Variants in GAMT observed in about 807,000 individuals in gnomAD.
GAMT encodes epididymis secretory protein Li 20.
A neutral mutation model predicts 26.9 loss-of-function variants in GAMT; 26 were observed. The observed-to-expected ratio is 0.97, with a 90% CI of 0.71 to 1.34. The LOEUF is 1.34. GAMT is among the 40% of genes most tolerant of loss of function. The pLI, the probability that GAMT is intolerant of heterozygous loss-of-function variation, is 0.00. For synonymous variants in GAMT, 169 were observed against 149.6 expected, an observed-to-expected ratio of 1.13 and a Z score of -0.95; for missense variants, 412 against 345.0, an observed-to-expected ratio of 1.19 and a Z score of -1.54.
chr19:1,400,718 GCACTGGA>G, intron 1 of GAMT, among the ~76,000 whole-genome samples: 1 of 152,330 alleles, frequency 6.6e-6, no homozygotes, highest in South Asian at 2.1e-4. Context: ...ATCCTGATTG[GCACTGGA>G]CACTGGACGT....
intron 1 of GAMT, among the ~76,000 whole-genome samples, chr19:1,400,482 G>T (rs567210774): frequency 6.6e-6 from 1 of 152,114 alleles, no homozygotes; most frequent in African/African-American, 2.4e-5. Context: ...GGCCGAAGAC[G>T]GCCGCTTTTG....
In GAMT at chr19:1,398,416, T is replaced by A. The variant is rs79832950; in HGVS notation, c.570+500A>T. 1,869 of 369,024 alleles carry A rather than the reference T, an allele frequency of 5.1e-3. 39 individuals carry two copies. Among genetic ancestry groups the A allele is most frequent in the African/African-American group, 0.034 (1,603 of 47,568 alleles). The allele number at this position is 369,024 out of a possible 1,614,324, so 22.9% of individuals were successfully genotyped here. A position where few individuals can be genotyped will look rare whatever the true frequency, so the allele number is the denominator to read the frequency against. On this transcript the variant is annotated intron_variant, in intron 5 of 5. Transcript: ENST00000252288. Reference sequence around the variant, plus strand: ...CCCAGCCTGATTTCCATTTTTTTTTTAAATTTTCTTTCTTTCTTTCTTTCT... The same window carrying A: ...CCCAGCCTGATTTCCATTTTTTTTTAAAATTTTCTTTCTTTCTTTCTTTCT...
rs931750281 is a variant in GAMT, at chr19:1,398,018, G to A, written c.571-519C>T. 6 of 1,032,106 alleles carry A rather than the reference G, an allele frequency of 5.8e-6. No homozygotes were observed. In the Admixed American group the frequency reaches 1.5e-4, roughly 26 times the overall value. The allele number at this position is 1,032,106 out of a possible 1,614,324, so 63.9% of individuals were successfully genotyped here. A position where few individuals can be genotyped will look rare whatever the true frequency, so the allele number is the denominator to read the frequency against. On this transcript the variant is annotated intron_variant, in intron 5 of 5. Coordinates refer to ENST00000252288, the MANE Select transcript of GAMT (RefSeq NM_000156.6). ...GAGGCAGCTGGAGGGAGGGGAACAC[G>A]CAGGGCTTAGGCTGAACCACAGGGC...
chr19:1,399,930 C>G lies in GAMT; in HGVS notation c.190G>C (p.Val64Leu). The G allele has an allele frequency of 6.2e-7, 1 of 1,607,178 alleles. No homozygotes were observed. The highest frequency in any genetic ancestry group is 8.5e-7 in the Non-Finnish European group (1 of 1,177,888). The change falls in exon 2 of 6, where the codon GTC (valine) becomes CTC (leucine). Residue 64 changes from valine (V) to leucine (L), a missense_variant. Val to Leu is a conservative substitution (Grantham distance 32). Coordinates refer to ENST00000252288, the MANE Select transcript of GAMT (RefSeq NM_000156.6). This position sits in a 1 kb window ranked among gnomAD's most constrained non-coding sequence, Gnocchi z 6.2. The stretch of plus-strand genomic sequence containing the variant: ...GCCATGCCAAAGCCCACCTCCAGGA[C>G]CCGGCCCCCTGGGCAGACACAGGGC... ...AAAASSKGGR[V>L]LEVGFGMAIA...
Position 1,399,438 on chromosome 19 carries a change from C to A in GAMT, c.391+86G>T. The A allele has an allele frequency of 7.7e-7, 1 of 1,293,916 alleles. No individual in the cohort carries two copies. The highest frequency in any genetic ancestry group is 1.3e-5 in the South Asian group (1 of 77,230). The allele number at this position is 1,293,916 out of a possible 1,614,324, so 80.2% of individuals were successfully genotyped here. A position where few individuals can be genotyped will look rare whatever the true frequency, so the allele number is the denominator to read the frequency against. The stretch of plus-strand genomic sequence containing the variant: ...CCACTTGGGCTCTGTCCCCCCAGTG[C>A]ACATCAGAGGGACCCCCACAAGCAA... On this transcript the variant is annotated intron_variant, in intron 3 of 5. Coordinates refer to ENST00000252288, the MANE Select transcript of GAMT (RefSeq NM_000156.6). This position sits in a 1 kb window ranked among gnomAD's most constrained non-coding sequence, Gnocchi z 6.2.
intron 1 of GAMT, among the ~76,000 whole-genome samples, chr19:1,400,152 G>A (rs1452153592): frequency 1.4e-5 from 2 of 146,674 alleles, no homozygotes; most frequent in African/African-American, 5.1e-5. Context: ...AGGCTGCCTG[G>A]AGGAGGGGGT....
At chr19:1,398,495 G>T in intron 5 of GAMT, 1 of 536,782 alleles carries the variant, frequency 1.9e-6, no homozygotes, top group South Asian at 2.9e-5. Flanking sequence ...GAGTGCAGTG[G>T]TTCGATCTGG....
Position 1,400,051 on chromosome 19 carries a change from C to T in GAMT, c.182-113G>A. ...GGGAGACTGCCTGGAGGAGGGGGCGCAGGGCTGGGCTGGGGGTCTGCCTGG... is the reference window on the plus strand; with the variant it reads ...GGGAGACTGCCTGGAGGAGGGGGCGTAGGGCTGGGCTGGGGGTCTGCCTGG... On this transcript the variant is annotated intron_variant, in intron 1 of 5. Transcript: ENST00000252288. The T allele has an allele frequency of 3.2e-6, 4 of 1,264,500 alleles. No individual in the cohort carries two copies. The South Asian group carries it at 5.5e-5, about 17-fold the overall frequency. 78.3% of individuals were successfully genotyped at this position (1,264,500 alleles called of 1,614,324 possible).
At position 1,397,109 on chromosome 19, in the gene GAMT, C is replaced by G. The variant is rs1461069691; in HGVS notation, c.*250G>C. The G allele has an allele frequency of 1.9e-6, 1 of 527,218 alleles. No homozygotes were observed. The highest frequency in any genetic ancestry group is 3.1e-5 in the East Asian group (1 of 31,924). 32.7% of individuals were successfully genotyped at this position (527,218 alleles called of 1,614,324 possible). On this transcript the variant is annotated 3_prime_UTR_variant, in exon 6 of 6. Coordinates refer to ENST00000252288, the MANE Select transcript of GAMT (RefSeq NM_000156.6). ...CACGCTCACTGCCGACTGGCCAAGC[C>G]CAGCGCCGGCGTTTACTTCACCTCA...
In GAMT at chr19:1,400,062, T is replaced by C. The variant is rs927162584; in HGVS notation, c.182-124A>G. 54 of 928,490 alleles carry C rather than the reference T, an allele frequency of 5.8e-5. 2 individuals carry two copies. The African/African-American group carries it at 9.1e-4, about 16-fold the overall frequency. 57.5% of individuals were successfully genotyped at this position (928,490 alleles called of 1,614,324 possible). A position where few individuals can be genotyped will look rare whatever the true frequency, so the allele number is the denominator to read the frequency against. On this transcript the variant is annotated intron_variant, in intron 1 of 5. Transcript: ENST00000252288. The stretch of plus-strand genomic sequence containing the variant: ...TGGAGGAGGGGGCGCAGGGCTGGGC[T>C]GGGGGTCTGCCTGGAGGGGGGCGTG...
chr19:1,400,360 A>T (rs1326326773), intron 1 of GAMT, among the ~76,000 whole-genome samples: 2 of 152,118 alleles, frequency 1.3e-5, no homozygotes, highest in Admixed American at 1.3e-4. Flanking sequence ...TTGCCACAGG[A>T]CGGGAGGGCA....
At position 1,399,603 on chromosome 19, in the gene GAMT, A is replaced by G; in HGVS notation, c.328-16T>C. 6.2e-7 allele frequency: 1 copy of G among 1,609,892 alleles called. No individual in the cohort carries two copies. The highest frequency in any genetic ancestry group is 1.1e-5 in the South Asian group (1 of 90,560). On this transcript the variant is annotated splice_polypyrimidine_tract_variant and intron_variant, in intron 2 of 5. Coordinates refer to ENST00000252288, the MANE Select transcript of GAMT (RefSeq NM_000156.6). This position sits in a 1 kb window ranked among gnomAD's most constrained non-coding sequence, Gnocchi z 6.2. ...AGGGGATGACCTTGCAGAGGGGAAA[A>G]GAAAAAGAGAGGACAGGGTAGAGAG...
At position 1,397,233 on chromosome 19, in the gene GAMT, C is replaced by T. The variant is rs2082604906; in HGVS notation, c.*126G>A. 8.3e-7 allele frequency: 1 copy of T among 1,205,718 alleles called. No individual in the cohort carries two copies. Among genetic ancestry groups the T allele is most frequent in the African/African-American group, 1.5e-5 (1 of 66,826 alleles). The allele number at this position is 1,205,718 out of a possible 1,614,324, so 74.7% of individuals were successfully genotyped here. A position where few individuals can be genotyped will look rare whatever the true frequency, so the allele number is the denominator to read the frequency against. ...AGCCCTGGGCTGGTGGGACCCCTCA[C>T]AGAGAAGCCGGGAAAGCTTCTGGTG... On this transcript the variant is annotated 3_prime_UTR_variant, in exon 6 of 6. Transcript: ENST00000252288.
intron 1 of GAMT, 63 bp downstream of exon 1, chr19:1,401,233 G>A: frequency 7.7e-7 from 1 of 1,297,568 alleles, no homozygotes; most frequent in Non-Finnish European, 9.9e-7. Context: ...CCCCGGGTCG[G>A]GGCAGCCCCG....
At position 1,399,553 on chromosome 19, in the gene GAMT, G is replaced by A; in HGVS notation, c.362C>T (p.Ala121Val). The A allele has an allele frequency of 1.9e-6, 3 of 1,613,218 alleles. No homozygotes were observed. Among genetic ancestry groups the A allele is most frequent in the Non-Finnish European group, 2.5e-6 (3 of 1,179,842 alleles). The change falls in exon 3 of 6, where the codon GCA (alanine) becomes GTA (valine). Residue 121 changes from alanine (A) to valine (V), a missense_variant. Transcript: ENST00000252288. This position sits in a 1 kb window ranked among gnomAD's most constrained non-coding sequence, Gnocchi z 6.2. The part of the protein sequence containing the change: ...IPLKGLWEDV[A>V]PTLPDGHFDG... ...AAAGTGACCGTCAGGCAGGGTGGGTGCCACATCCTCCCACAGGCCTTTCAA... is the reference window on the plus strand; with the variant it reads ...AAAGTGACCGTCAGGCAGGGTGGGTACCACATCCTCCCACAGGCCTTTCAA...
intron 1 of GAMT, among the ~76,000 whole-genome samples, chr19:1,400,704 C>T (rs2082629048): frequency 6.6e-6 from 1 of 152,218 alleles, no homozygotes; most frequent in Non-Finnish European, 1.5e-5. Flanking sequence ...GGGCCCCCCG[C>T]TCAATCCTGA....
rs778443679 is a variant in GAMT, at chr19:1,399,312, G to A, written c.392-117C>T. ...GTGAGACGGGGCCGTGGGTAGAGGT[G>A]GGGCTCCCACACAGGCTTGAGAACC... On this transcript the variant is annotated intron_variant, in intron 3 of 5. Transcript: ENST00000252288. The surrounding 1 kb of genome is among the most constrained non-coding windows in gnomAD (Gnocchi z 6.2). 10 of 1,230,072 alleles carry A rather than the reference G, an allele frequency of 8.1e-6. No homozygotes were observed. The highest frequency in any genetic ancestry group is 1.2e-5 in the Non-Finnish European group (10 of 840,850). The allele number at this position is 1,230,072 out of a possible 1,614,324, so 76.2% of individuals were successfully genotyped here. A position where few individuals can be genotyped will look rare whatever the true frequency, so the allele number is the denominator to read the frequency against.
rs779931959 is a variant in GAMT, at chr19:1,398,964, C to CCAGGAGGTGAGGTTG, written c.507_521dup (p.Cys169_Ser173dup). 18 of 1,613,322 alleles carry CCAGGAGGTGAGGTTG rather than the reference C, an allele frequency of 1.1e-5. No individual in the cohort carries two copies. The highest frequency in any genetic ancestry group is 1.5e-5 in the Non-Finnish European group (18 of 1,180,016). On this transcript the variant is annotated inframe_insertion, in exon 5 of 6. Transcript: ENST00000252288. The stretch of plus-strand genomic sequence containing the variant: ...AGTACTTGGACTTCATCAGCTCCCC[C>CCAGGAGGTGAGGTTG]CAGGAGGTGAGGTTGCAGTAGGTGA...
intron 5 of GAMT, chr19:1,397,909 A>G: frequency 9.0e-7 from 1 of 1,115,486 alleles, no homozygotes; most frequent in Non-Finnish European, 1.1e-6. Context: ...GCAACCACAT[A>G]GAGCCCTTCT....
Sources: allele counts gnomAD v4.1 joint callset (sites outside exome capture counted in the v4.1 genomes callset), GRCh38; gene constraint gnomAD v4.1.1; non-coding constraint Gnocchi (gnomAD v3.1); transcripts MANE v1.5; gene names NCBI Gene and HGNC (gene_info 2026-07-23, HGNC 2026-07-21).